Variants in TNFAIP8 observed in about 807,000 individuals in gnomAD.
The protein encoded by TNFAIP8 is tumor necrosis factor alpha-induced protein 8.
A neutral mutation model predicts 13.3 loss-of-function variants in TNFAIP8; 7 were observed. That is an observed-to-expected ratio of 0.52 (90% CI 0.30 to 0.99). The LOEUF (loss-of-function observed/expected upper bound fraction) is 0.99, where lower values mean the gene tolerates loss of function less well. Ranked by LOEUF, TNFAIP8 falls within the 50% of genes least tolerant of loss-of-function variation. The pLI is 0.07. For missense variants in TNFAIP8, 258 were observed against 236.9 expected, an observed-to-expected ratio of 1.09 and a Z score of -0.58; for synonymous variants, 94 against 87.6, an observed-to-expected ratio of 1.07 and a Z score of -0.41.
intron 1 of TNFAIP8, among the ~76,000 whole-genome samples, chr5:119,281,306 A>ACACACACACTCT: frequency 8.8e-6 from 1 of 114,134 alleles, no homozygotes; most frequent in African/African-American, 3.1e-5. Context: ...ACACACACAC[A>ACACACACACTCT]CTCTCTCTCT....
rs1199568739 is a variant in TNFAIP8 at position 119,393,291 on chromosome 5, T to C, written c.507T>C (p.Ala169=). 1 of 1,614,060 alleles carries C rather than the reference T, an allele frequency of 6.2e-7. No individual in the cohort carries two copies. Among genetic ancestry groups the C allele is most frequent in the Non-Finnish European group, 8.5e-7 (1 of 1,179,896 alleles). ...ATTTTTCAGATTGTGAATTTTTGGCTGCCTTGTATAATCCTTTTGGGAATT... is the reference window on the plus strand; with the variant it reads ...ATTTTTCAGATTGTGAATTTTTGGCCGCCTTGTATAATCCTTTTGGGAATT... The part of the protein sequence containing the change: ...FDHFSDCEFL[A]ALYNPFGNFK... Residue 169 remains alanine (A), a synonymous_variant, in exon 2 of 2, where the codon GCT becomes GCC. Transcript: ENST00000504771.
Position 119,397,468 on chromosome 5 carries a change from A to T in TNFAIP8, c.*4087A>T, listed in dbSNP as rs1248059820. 2 of 152,256 alleles carry T rather than the reference A, an allele frequency of 1.3e-5. No individual in the cohort carries two copies. Among genetic ancestry groups the T allele is most frequent in the Non-Finnish European group, 2.9e-5 (2 of 68,038 alleles). 9.4% of individuals were successfully genotyped at this position (152,256 alleles called of 1,614,324 possible). A position where few individuals can be genotyped will look rare whatever the true frequency, so the allele number is the denominator to read the frequency against. On this transcript the variant is annotated 3_prime_UTR_variant, in exon 2 of 2. Transcript: ENST00000504771. ...AATCTTGCATTTCCATACTTGCATT[A>T]TCTAAACTAGTTGAACTTTTCAGTG...
chr5:119,389,035 G>A (rs1211828493), intron 1 of TNFAIP8, among the ~76,000 whole-genome samples: 2 of 152,106 alleles, frequency 1.3e-5, no homozygotes, highest in African/African-American at 4.8e-5. Context: ...TGGAGATGGA[G>A]GGAAATGGAT....
chr5:119,364,404 G>A (rs1366741217), intron 1 of TNFAIP8, among the ~76,000 whole-genome samples: 1 of 152,132 alleles, frequency 6.6e-6, no homozygotes, highest in Non-Finnish European at 1.5e-5. Context: ...GTCTCACTCC[G>A]TCACCCAGGC....
chr5:119,349,953 C>G (rs1751056212), intron 1 of TNFAIP8, among the ~76,000 whole-genome samples: 2 of 152,322 alleles, frequency 1.3e-5, no homozygotes, highest in East Asian at 3.9e-4. Context: ...AGACAGGAGG[C>G]TTAGATTGCA....
At chr5:119,339,664 C>T (rs1331464154) in intron 1 of TNFAIP8, among the ~76,000 whole-genome samples, 1 of 151,916 alleles carries the variant, frequency 6.6e-6, no homozygotes, top group Non-Finnish European at 1.5e-5. Flanking sequence ...AAAGCATCAC[C>T]AAGGTACTAG....
At chr5:119,273,472 A>C (rs1391048597) in intron 1 of TNFAIP8, among the ~76,000 whole-genome samples, 1 of 152,232 alleles carries the variant, frequency 6.6e-6, no homozygotes. Context: ...CTGCAGGGTC[A>C]CATGATTATA....
intron 1 of TNFAIP8, among the ~76,000 whole-genome samples, chr5:119,302,556 T>C (rs1749428799): frequency 6.6e-6 from 1 of 152,190 alleles, no homozygotes; most frequent in Non-Finnish European, 1.5e-5. Flanking sequence ...TGTCAAATTA[T>C]TCACCTTTAT....
chr5:119,355,783 C>A, upstream of TNFAIP8: 1 of 409,710 alleles, frequency 2.4e-6, no homozygotes, highest in Non-Finnish European at 3.5e-6. Context: ...TGGGCCTGTG[C>A]CCCACCTGCG....
chr5:119,336,276 C>T (rs536094498), intron 1 of TNFAIP8, among the ~76,000 whole-genome samples: 1 of 152,324 alleles, frequency 6.6e-6, no homozygotes, highest in South Asian at 2.1e-4. Flanking sequence ...CATCCAGCCT[C>T]ATGGTGTGAG....
At chr5:119,286,243 G>A (rs1421237718) in intron 1 of TNFAIP8, among the ~76,000 whole-genome samples, 1 of 152,062 alleles carries the variant, frequency 6.6e-6, no homozygotes, top group Non-Finnish European at 1.5e-5. Flanking sequence ...CACTTCCCCA[G>A]CCTTTACTAT....
intron 1 of TNFAIP8, among the ~76,000 whole-genome samples, chr5:119,325,648 C>T (rs1750202929): frequency 6.6e-6 from 1 of 152,196 alleles, no homozygotes; most frequent in Admixed American, 6.5e-5. Flanking sequence ...TGGGGTTTCA[C>T]CATGTTAGCC....
intron 1 of TNFAIP8, among the ~76,000 whole-genome samples, chr5:119,289,554 G>A (rs1169186877): frequency 6.6e-6 from 1 of 152,176 alleles, no homozygotes; most frequent in Admixed American, 6.5e-5. Flanking sequence ...TCAGTTTCTG[G>A]GGCTGAGGCA....
chr5:119,382,528 A>C (rs147293590), intron 1 of TNFAIP8, among the ~76,000 whole-genome samples: 2 of 152,328 alleles, frequency 1.3e-5, no homozygotes, highest in African/African-American at 4.8e-5. Flanking sequence ...ATCCTATACC[A>C]GCAGAACGTT....
intron 1 of TNFAIP8, among the ~76,000 whole-genome samples, chr5:119,286,983 C>A (rs1165929781): frequency 6.6e-6 from 1 of 152,194 alleles, no homozygotes; most frequent in Non-Finnish European, 1.5e-5. Flanking sequence ...CTAAACCCTG[C>A]ATTGTTCCAG....
intron 1 of TNFAIP8, among the ~76,000 whole-genome samples, chr5:119,378,178 C>G (rs1752351724): frequency 6.6e-6 from 1 of 152,206 alleles, no homozygotes; most frequent in African/African-American, 2.4e-5. Context: ...GTTACAACTT[C>G]TGCAAGGCAT....
At chr5:119,294,740 G>A (rs1449406155) in intron 1 of TNFAIP8, among the ~76,000 whole-genome samples, 2 of 152,102 alleles carry the variant, frequency 1.3e-5, no homozygotes. Context: ...ATTCTAACTG[G>A]TGTGAGATGG....
At chr5:119,353,583 C>T (rs1345808679), upstream of TNFAIP8, among the ~76,000 whole-genome samples, 1 of 152,202 alleles carries the variant, frequency 6.6e-6, no homozygotes. Flanking sequence ...AGTTTCTCTC[C>T]AGGCTTCCTG....
chr5:119,278,376 A>AGTGTGTGTGTGT lies in TNFAIP8; in HGVS notation c.1+9503_1+9514dup, dbSNP rs71591297. Among the ~76,000 whole-genome samples, 11 of 108,238 alleles carry AGTGTGTGTGTGT rather than the reference A, an allele frequency of 1.0e-4. No individual in the cohort carries two copies. In the East Asian group the frequency reaches 2.0e-3, roughly 20 times the overall value. The allele number at this position is 108,238 out of a possible 152,430, so 71.0% of individuals were successfully genotyped here. Reference sequence around the variant, plus strand: ...GGGAGAGAGAGAGAGAGAGAGAGAGAGTGTGTGTGTGTGTGTGTGTGTGTG... The same window carrying AGTGTGTGTGTGT: ...GGGAGAGAGAGAGAGAGAGAGAGAGAGTGTGTGTGTGTGTGTGTGTGTGTGTGTGTGTGTGTG... On this transcript the variant is annotated intron_variant, in intron 1 of 1. Coordinates refer to the TNFAIP8 transcript ENST00000274456.
Sources: gnomAD v4.1 joint callset for allele counts (sites outside exome capture counted in the v4.1 genomes callset) on GRCh38, gnomAD v4.1.1 for gene constraint, MANE v1.5 for transcripts, NCBI Gene and HGNC (gene_info 2026-07-23, HGNC 2026-07-21) for gene names.